Variants in CDC14A observed in about 807,000 individuals in gnomAD.
CDC14A encodes the protein dual specificity protein phosphatase CDC14A.
A neutral mutation model predicts 74.4 loss-of-function variants in CDC14A; 53 were observed. The ratio of observed to expected loss-of-function variants is 0.71; its 90% CI spans 0.57 to 0.89. The LOEUF (loss-of-function observed/expected upper bound fraction) is 0.89, where lower values mean the gene tolerates loss of function less well. CDC14A is among the 40% of genes least tolerant of loss of function. The pLI is 0.00. For missense variants in CDC14A, 646 were observed against 713.7 expected (o/e 0.91, Z 1.08); for synonymous variants, 247 against 258.4 (o/e 0.96, Z 0.43).
chr1:100,451,287 T>C (rs565930550), intron 7 of CDC14A, among the ~76,000 whole-genome samples: 63 of 152,336 alleles, frequency 4.1e-4, no homozygotes, highest in Middle Eastern at 3.4e-3. Context: ...ATCTGGACTT[T>C]TGGAATGGGC....
chr1:100,491,518 A>ATCTCTCTCTCTCTC (rs761858427), intron 11 of CDC14A, among the ~76,000 whole-genome samples: 15 of 26,586 alleles, frequency 5.6e-4, no homozygotes, highest in East Asian at 2.4e-3. Context: ...ATATATCTGC[A>ATCTCTCTCTCTCTC]TCTCTCTCTC....
At chr1:100,460,344 T>C (rs1221487820) in intron 8 of CDC14A, among the ~76,000 whole-genome samples, 1 of 152,186 alleles carries the variant, frequency 6.6e-6, no homozygotes, top group Non-Finnish European at 1.5e-5. Flanking sequence ...ATGATGGAAA[T>C]TCATATATGA....
At position 100,499,012 on chromosome 1, in the gene CDC14A, C is replaced by T. The variant is rs1304240830; in HGVS notation, c.1505C>T (p.Ser502Leu). The T allele has an allele frequency of 7.4e-6, 12 of 1,614,072 alleles. No individual in the cohort carries two copies. The highest frequency in any genetic ancestry group is 1.6e-4 in the Middle Eastern group (1 of 6,084). ...TDDPENKKTS[S>L]SSKAGFTASP... ...GATCCAGAGAACAAAAAGACCTCCT[C>T]ATCCTCTAAGGCAGGCTTCACAGCC... The change falls in exon 15 of 16, where the codon TCA becomes TTA. Residue 502 changes from serine (S) to leucine (L), a missense_variant. Physicochemically the swap from Ser to Leu is moderately radical, Grantham distance 145. Coordinates refer to ENST00000336454, the MANE Select transcript of CDC14A (RefSeq NM_003672.4).
At chr1:100,467,897 G>A (rs1455902933) in intron 9 of CDC14A, 59 bp from the exon 10 acceptor site, 2 of 1,491,142 alleles carry the variant, frequency 1.3e-6, no homozygotes, top group African/African-American at 2.9e-5. Context: ...TGATTTCAGT[G>A]TTTTTGTGGT....
rs1012684203 is a variant in CDC14A at position 100,404,654 on chromosome 1, C to T, written c.309+13830C>T. On this transcript the variant is annotated intron_variant, in intron 4 of 15. Transcript: ENST00000336454. ...GACCATCCTGGCTAACATGGTGAAA[C>T]CCCGTCTCTACTAAAAATACAAAAA... 3.9e-5 allele frequency among the ~76,000 whole-genome samples: 6 copies of T among 152,134 alleles called. No individual in the cohort carries two copies. In the South Asian group the frequency reaches 1.2e-3, roughly 32 times the overall value.
intron 8 of CDC14A, among the ~76,000 whole-genome samples, chr1:100,461,205 A>G (rs958262732): frequency 7.9e-5 from 12 of 152,214 alleles, no homozygotes; most frequent in African/African-American, 2.7e-4. Flanking sequence ...GAGGACAGGA[A>G]GAATTCCCTT....
chr1:100,453,112 C>T (rs540362450), intron 7 of CDC14A, among the ~76,000 whole-genome samples: 1 of 152,182 alleles, frequency 6.6e-6, no homozygotes, highest in South Asian at 2.1e-4. Context: ...CAGCCTTATC[C>T]TGGCTGCTGA....
intron 2 of CDC14A, among the ~76,000 whole-genome samples, chr1:100,372,061 T>C (rs1347784201): frequency 6.6e-6 from 1 of 152,226 alleles, no homozygotes; most frequent in East Asian, 1.9e-4. Context: ...AAAAGCTATG[T>C]TTATACTATA....
intron 7 of CDC14A, among the ~76,000 whole-genome samples, chr1:100,449,234 A>G (rs1665874000): frequency 6.6e-6 from 1 of 152,190 alleles, no homozygotes; most frequent in Admixed American, 6.5e-5. Flanking sequence ...TTCATTCTGG[A>G]TGCCTGGGAT....
chr1:100,495,935 T>C, intron 12 of CDC14A, 67 bp from the exon 13 acceptor site: 1 of 1,281,644 alleles, frequency 7.8e-7, no homozygotes, highest in East Asian at 2.3e-5. Context: ...CCATTTGATG[T>C]GCCTTGTGGT....
chr1:100,351,564 A>G (rs141686950), upstream of CDC14A: 56 of 610,472 alleles, frequency 9.2e-5, 1 homozygote, highest in East Asian at 1.1e-3. Flanking sequence ...GACTATGTAA[A>G]GAAATTCCTT....
chr1:100,357,446 G>A (rs1652077085), intron 2 of CDC14A, among the ~76,000 whole-genome samples: 4 of 152,162 alleles, frequency 2.6e-5, no homozygotes, highest in Admixed American at 2.6e-4. Flanking sequence ...AAAGCCCCTA[G>A]AAGGATGTCT....
At chr1:100,478,075 A>T (rs1283856283) in intron 10 of CDC14A, among the ~76,000 whole-genome samples, 3 of 152,162 alleles carry the variant, frequency 2.0e-5, no homozygotes, top group Non-Finnish European at 2.9e-5. Flanking sequence ...AAGGATATAA[A>T]GCTCTCTATT....
chr1:100,404,188 CT>C (rs1659632065), intron 4 of CDC14A, among the ~76,000 whole-genome samples: 2 of 146,502 alleles, frequency 1.4e-5, no homozygotes, highest in Admixed American at 6.7e-5. Flanking sequence ...TAGACTCCGT[CT>C]CAAAAAAAAA....
chr1:100,459,400 A>G (rs1667098947), intron 8 of CDC14A, among the ~76,000 whole-genome samples: 1 of 152,206 alleles, frequency 6.6e-6, no homozygotes, highest in South Asian at 2.1e-4. Flanking sequence ...AGTGCCTTGC[A>G]GAGTATTGGG....
chr1:100,381,424 C>T (rs1656082490), intron 3 of CDC14A, among the ~76,000 whole-genome samples: 1 of 152,162 alleles, frequency 6.6e-6, no homozygotes, highest in Non-Finnish European at 1.5e-5. Context: ...TAGGATTCTT[C>T]TCTTGTGTGA....
chr1:100,484,236 A>G, intron 10 of CDC14A, 56 bp from the exon 11 acceptor site: 1 of 1,068,314 alleles, frequency 9.4e-7, no homozygotes, highest in Admixed American at 3.2e-5. Context: ...ATGAGAGTAG[A>G]TTGTTTTAAA....
At chr1:100,405,048 T>A (rs1659768825) in intron 4 of CDC14A, among the ~76,000 whole-genome samples, 1 of 152,158 alleles carries the variant, frequency 6.6e-6, no homozygotes, top group African/African-American at 2.4e-5. Context: ...ATCAGACAAT[T>A]CTTTCAAGAG....
chr1:100,388,932 T>C (rs948755669), intron 3 of CDC14A, among the ~76,000 whole-genome samples: 2 of 151,316 alleles, frequency 1.3e-5, no homozygotes, highest in African/African-American at 4.8e-5. Context: ...CTCAGCACTT[T>C]GGGAGGCCAA....
Sources: gnomAD v4.1 joint callset for allele counts (sites outside exome capture counted in the v4.1 genomes callset) on GRCh38, gnomAD v4.1.1 for gene constraint, MANE v1.5 for transcripts, NCBI Gene and HGNC (gene_info 2026-07-23, HGNC 2026-07-21) for gene names.